NEGR1: variants seen among roughly 807,000 people sequenced by gnomAD.
The protein encoded by NEGR1 is neuronal growth regulator 1.
A neutral mutation model predicts 40.9 loss-of-function variants in NEGR1; 10 were observed. That is an observed-to-expected ratio of 0.24 (90% confidence interval 0.15 to 0.42). NEGR1 has a LOEUF of 0.42. NEGR1 is among the 10% of genes least tolerant of loss of function. NEGR1 has a pLI of 1.00. For missense variants in NEGR1, 352 were observed against 438.9 expected (o/e 0.80, Z 1.77); for synonymous variants, 185 against 166.8 (o/e 1.11, Z -0.84).
At chr1:71,434,702 T>A (rs1323595112) in intron 6 of NEGR1, among the ~76,000 whole-genome samples, 1 of 152,182 alleles carries the variant, frequency 6.6e-6, no homozygotes, top group East Asian at 1.9e-4. Flanking sequence ...GTCGAATTGC[T>A]TGATATATAT....
intron 1 of NEGR1, among the ~76,000 whole-genome samples, chr1:71,995,886 A>G (rs561533436): frequency 6.6e-6 from 1 of 152,288 alleles, no homozygotes; most frequent in South Asian, 2.1e-4. Flanking sequence ...TGAAATTCTA[A>G]AAAATTACTT....
intron 4 of NEGR1, among the ~76,000 whole-genome samples, chr1:71,662,911 A>G (rs1652113481): frequency 6.7e-6 from 1 of 150,280 alleles, no homozygotes; most frequent in Admixed American, 6.6e-5. Context: ...ATATCTACCC[A>G]CTCTCTGGAA....
chr1:72,077,043 C>T (rs529869242), intron 1 of NEGR1, among the ~76,000 whole-genome samples: 130 of 151,590 alleles, frequency 8.6e-4, no homozygotes, highest in Non-Finnish European at 1.5e-3. Flanking sequence ...TACAGGTGCC[C>T]GCCACCATGC....
chr1:71,793,047 C>A (rs1315033248), intron 2 of NEGR1, among the ~76,000 whole-genome samples: 1 of 150,734 alleles, frequency 6.6e-6, no homozygotes, highest in African/African-American at 2.4e-5. Context: ...CTCACATAAA[C>A]CTCCCAGGAG....
chr1:71,575,729 G>T (rs934538442), intron 6 of NEGR1, among the ~76,000 whole-genome samples: 7 of 152,176 alleles, frequency 4.6e-5, no homozygotes, highest in African/African-American at 1.4e-4. Context: ...GTTGCAGTGA[G>T]CCGAGATCTC....
intron 4 of NEGR1, among the ~76,000 whole-genome samples, chr1:71,692,660 T>C (rs1197407926): frequency 6.6e-6 from 1 of 151,856 alleles, no homozygotes; most frequent in Non-Finnish European, 1.5e-5. Flanking sequence ...TGGCTTCTCA[T>C]TTCAAGCTTC....
chr1:71,797,865 A>T (rs548221697), intron 2 of NEGR1, among the ~76,000 whole-genome samples: 20 of 152,102 alleles, frequency 1.3e-4, no homozygotes, highest in African/African-American at 4.6e-4. Flanking sequence ...ATTTGTGCAG[A>T]TCATTTTTAT....
At chr1:71,807,427 A>G in intron 2 of NEGR1, among the ~76,000 whole-genome samples, 1 of 152,182 alleles carries the variant, frequency 6.6e-6, no homozygotes, top group Non-Finnish European at 1.5e-5. Flanking sequence ...ACACCCTGTG[A>G]AAAGACTGAT....
chr1:71,765,441 C>G (rs769678268), intron 3 of NEGR1, among the ~76,000 whole-genome samples: 6 of 152,018 alleles, frequency 3.9e-5, no homozygotes, highest in Non-Finnish European at 8.8e-5. Flanking sequence ...AATAAACAAG[C>G]TTATTTTTCA....
intron 6 of NEGR1, among the ~76,000 whole-genome samples, chr1:71,466,699 C>T (rs779811471): frequency 7.2e-5 from 11 of 152,062 alleles, no homozygotes; most frequent in Non-Finnish European, 1.2e-4. Context: ...GCATGTTTGG[C>T]TTATAACCAA....
At chr1:71,656,761 G>A (rs1651892225) in intron 4 of NEGR1, among the ~76,000 whole-genome samples, 1 of 152,200 alleles carries the variant, frequency 6.6e-6, no homozygotes, top group Non-Finnish European at 1.5e-5. Flanking sequence ...GACACAAGGG[G>A]AACTCTCCTC....
intron 2 of NEGR1, among the ~76,000 whole-genome samples, chr1:71,926,295 C>A (rs984130681): frequency 1.3e-5 from 2 of 151,346 alleles, no homozygotes; most frequent in Non-Finnish European, 2.9e-5. Flanking sequence ...TATCCTATTC[C>A]CAGATATGTT....
chr1:72,072,468 A>T (rs1647508885), intron 1 of NEGR1, among the ~76,000 whole-genome samples: 1 of 152,154 alleles, frequency 6.6e-6, no homozygotes, highest in African/African-American at 2.4e-5. Flanking sequence ...TTTACAAATA[A>T]AGTTTATTTG....
rs1372443389 is a variant in NEGR1 at position 71,404,904 on chromosome 1, A to G, written c.*2542T>C. 6.6e-6 allele frequency: 1 copy of G among 152,236 alleles called. No homozygotes were observed. Among genetic ancestry groups the G allele is most frequent in the Non-Finnish European group, 1.5e-5 (1 of 67,766 alleles). 9.4% of individuals were successfully genotyped at this position (152,236 alleles called of 1,614,324 possible). On this transcript the variant is annotated 3_prime_UTR_variant, in exon 7 of 7. Coordinates refer to ENST00000357731, the MANE Select transcript of NEGR1 (RefSeq NM_173808.3). ...TAAATGTAAAATCATCTACTTGAAC[A>G]TTATATGCAATACATTCACACAAAA...
chr1:71,417,382 T>C (rs115198622), intron 6 of NEGR1, among the ~76,000 whole-genome samples: 2,801 of 152,198 alleles, frequency 0.018, 35 homozygotes, highest in South Asian at 0.043. Context: ...AAAAAAGAGA[T>C]AGGAAAGATA....
At chr1:71,439,237 T>C (rs1646530604) in intron 6 of NEGR1, among the ~76,000 whole-genome samples, 1 of 152,216 alleles carries the variant, frequency 6.6e-6, no homozygotes, top group Non-Finnish European at 1.5e-5. Context: ...TCAACTCATT[T>C]ACAAATCCCA....
chr1:71,558,399 G>A (rs11209794), intron 6 of NEGR1, among the ~76,000 whole-genome samples: 39 of 151,542 alleles, frequency 2.6e-4, no homozygotes, highest in African/African-American at 8.9e-4. Flanking sequence ...ATCATTATAC[G>A]TCAGCAAATG....
At chr1:71,846,332 G>C (rs1659408197) in intron 2 of NEGR1, among the ~76,000 whole-genome samples, 1 of 151,758 alleles carries the variant, frequency 6.6e-6, no homozygotes. Flanking sequence ...TTAACTACTT[G>C]TATGATTTAT....
At chr1:71,732,183 C>T (rs1290875699) in intron 3 of NEGR1, among the ~76,000 whole-genome samples, 3 of 152,066 alleles carry the variant, frequency 2.0e-5, no homozygotes, top group African/African-American at 4.8e-5. Flanking sequence ...TGGCACACGC[C>T]TATAGTCGCA....
Sources: gnomAD v4.1 joint callset for allele counts (sites outside exome capture counted in the v4.1 genomes callset) on GRCh38, gnomAD v4.1.1 for gene constraint, MANE v1.5 for transcripts, NCBI Gene and HGNC (gene_info 2026-07-23, HGNC 2026-07-21) for gene names.